CCDC171: variants seen among roughly 807,000 people sequenced by gnomAD.
CCDC171 encodes coiled-coil domain-containing protein 171.
A neutral mutation model predicts 168.2 loss-of-function variants in CCDC171; 177 were observed. The ratio of observed to expected loss-of-function variants is 1.05; its 90% confidence interval spans 0.93 to 1.19. The LOEUF is 1.19. Ranked by LOEUF, CCDC171 falls within the 50% of genes most tolerant of loss-of-function variation. The pLI, the probability that CCDC171 is intolerant of heterozygous loss-of-function variation, is 0.00. For missense variants in CCDC171, 1,991 were observed against 1,539.0 expected (o/e 1.29, Z -4.91); for synonymous variants, 687 against 540.8 (o/e 1.27, Z -3.75).
chr9:16,015,578 C>G (rs13298936), intron 3 of CCDC171, among the ~76,000 whole-genome samples: 48,080 of 152,068 alleles, frequency 0.32, 7,870 homozygotes, highest in Non-Finnish European at 0.37. Context: ...GCCCTTCCTC[C>G]TCACTGTACA....
intron 6 of CCDC171, among the ~76,000 whole-genome samples, chr9:16,027,953 T>G (rs1833304703): frequency 6.6e-6 from 1 of 152,194 alleles, no homozygotes; most frequent in South Asian, 2.1e-4. Context: ...TTCAGCTGCT[T>G]CCTGTATCAC....
intron 23 of CCDC171, among the ~76,000 whole-genome samples, chr9:15,858,872 T>C (rs1221285941): frequency 6.6e-6 from 1 of 152,084 alleles, no homozygotes; most frequent in African/African-American, 2.4e-5. Context: ...TGGATGCCTA[T>C]TACTTATTTT....
At chr9:15,778,659 A>AAAAAAAAAAAAAAAAG (rs1157253141) in intron 19 of CCDC171, among the ~76,000 whole-genome samples, 1 of 150,438 alleles carries the variant, frequency 6.6e-6, no homozygotes, top group East Asian at 1.9e-4. Flanking sequence ...AAAAAAAAAA[A>AAAAAAAAAAAAAAAAG]AAAAAAGGCA....
chr9:15,572,795 C>T (rs1338874224), intron 3 of CCDC171, among the ~76,000 whole-genome samples: 3 of 152,144 alleles, frequency 2.0e-5, no homozygotes, highest in African/African-American at 7.2e-5. Flanking sequence ...AAACAGTGAT[C>T]ACACTTTGTC....
intron 1 of CCDC171, among the ~76,000 whole-genome samples, chr9:15,553,771 A>G (rs1455699663): frequency 5.3e-5 from 8 of 152,168 alleles, no homozygotes; most frequent in Non-Finnish European, 1.2e-4. Context: ...GAGACTTAGA[A>G]TCTGAGTCAG....
At chr9:15,919,470 A>G (rs538968381) in intron 24 of CCDC171, among the ~76,000 whole-genome samples, 2 of 151,780 alleles carry the variant, frequency 1.3e-5, no homozygotes, top group South Asian at 4.1e-4. Context: ...CTTGTAAACA[A>G]TATAGTATTA....
chr9:15,854,004 GTTT>G (rs201544895), intron 23 of CCDC171, among the ~76,000 whole-genome samples: 1,573 of 135,646 alleles, frequency 0.012, 21 homozygotes, highest in African/African-American at 0.04. Flanking sequence ...GGTTTGCTAG[GTTT>G]TTTTTTTTTT....
intron 25 of CCDC171, among the ~76,000 whole-genome samples, chr9:15,954,151 CTT>C (rs34362388): frequency 7.1e-6 from 1 of 140,732 alleles, no homozygotes; most frequent in Admixed American, 7.0e-5. Flanking sequence ...TACTTACTTT[CTT>C]TTTTTTTTTT....
chr9:15,788,040 A>AT (rs1005502164), intron 21 of CCDC171, among the ~76,000 whole-genome samples: 4 of 152,284 alleles, frequency 2.6e-5, no homozygotes, highest in Admixed American at 6.5e-5. Flanking sequence ...GTTCATGTTA[A>AT]TTTTTTTAAA....
At chr9:15,908,038 C>G (rs1001256118) in intron 24 of CCDC171, among the ~76,000 whole-genome samples, 25 of 151,726 alleles carry the variant, frequency 1.6e-4, no homozygotes, top group Non-Finnish European at 3.1e-4. Flanking sequence ...GAAATAGGAA[C>G]ACTTTTACAC....
chr9:16,041,032 A>C (rs1053435876), upstream of CCDC171, among the ~76,000 whole-genome samples: 6 of 150,848 alleles, frequency 4.0e-5, no homozygotes, highest in Admixed American at 2.6e-4. Flanking sequence ...CTGTGTGTGT[A>C]GCTAACTCTA....
intron 18 of CCDC171, among the ~76,000 whole-genome samples, chr9:15,771,052 T>A (rs2056986718): frequency 1.3e-5 from 2 of 152,200 alleles, no homozygotes; most frequent in Admixed American, 1.3e-4. Context: ...TTGTATTTAG[T>A]TACATACTAG....
chr9:15,582,877 C>G (rs1364801104), intron 4 of CCDC171, among the ~76,000 whole-genome samples: 2 of 150,508 alleles, frequency 1.3e-5, no homozygotes, highest in Non-Finnish European at 3.0e-5. Context: ...CACATGTATA[C>G]CTATGTAACA....
intron 25 of CCDC171, among the ~76,000 whole-genome samples, chr9:15,937,028 G>A (rs545211123): frequency 2.5e-3 from 374 of 152,144 alleles, no homozygotes; most frequent in Non-Finnish European, 3.9e-3. Flanking sequence ...CAAGAACAAG[G>A]AAGTGCTGTT....
At chr9:15,552,976 C>G (rs914917075), upstream of CCDC171, 2 of 152,544 alleles carry the variant, frequency 1.3e-5, no homozygotes, top group African/African-American at 4.8e-5. Flanking sequence ...TATCCAGGAG[C>G]TGCAAGCTGA....
At chr9:16,009,183 G>A (rs1832788868) in intron 3 of CCDC171, among the ~76,000 whole-genome samples, 1 of 152,088 alleles carries the variant, frequency 6.6e-6, no homozygotes, top group African/African-American at 2.4e-5. Context: ...GTTTTACTTT[G>A]TAGAACTAAG....
chr9:15,984,619 A>G (rs969306636), intron 3 of CCDC171, among the ~76,000 whole-genome samples: 1 of 152,148 alleles, frequency 6.6e-6, no homozygotes, highest in African/African-American at 2.4e-5. Context: ...TAGTAAATAA[A>G]TTGTCCAATA....
intron 24 of CCDC171, among the ~76,000 whole-genome samples, chr9:15,904,550 A>C (rs1478701154): frequency 1.3e-5 from 2 of 152,126 alleles, no homozygotes; most frequent in African/African-American, 2.4e-5. Flanking sequence ...GACAACCAGT[A>C]CCAGCCACTG....
chr9:15,599,540 A>C lies in CCDC171; in HGVS notation c.675+5368A>C, dbSNP rs534331515. Among the ~76,000 whole-genome samples the C allele has an allele frequency of 1.1e-3, 167 of 152,228 alleles. 4 individuals are homozygous for C. The highest frequency in any genetic ancestry group is 3.4e-3 in the African/African-American group (141 of 41,540). On this transcript the variant is annotated intron_variant, in intron 6 of 25. Transcript: ENST00000380701. Reference sequence around the variant, plus strand: ...TCCGCTGTTAGTCTGATGGGCTTCCATTTGTGGGTCACCCAACCTTTCTGT... The same window carrying C: ...TCCGCTGTTAGTCTGATGGGCTTCCCTTTGTGGGTCACCCAACCTTTCTGT...
Sources: gnomAD v4.1 joint callset for allele counts (sites outside exome capture counted in the v4.1 genomes callset) on GRCh38, gnomAD v4.1.1 for gene constraint, MANE v1.5 for transcripts, NCBI Gene and HGNC (gene_info 2026-07-23, HGNC 2026-07-21) for gene names.